Variants in SLC6A15 observed in about 807,000 individuals in gnomAD.
SLC6A15 encodes sodium-dependent neutral amino acid transporter B(0)AT2.
SLC6A15 carries 33 observed loss-of-function variants against 68.5 expected under a neutral mutation model. The observed-to-expected ratio is 0.48, with a 90% confidence interval of 0.37 to 0.64. The LOEUF (loss-of-function observed/expected upper bound fraction) is 0.64. Ranked by LOEUF, SLC6A15 falls within the 30% of genes least tolerant of loss-of-function variation. The probability of loss-of-function intolerance (pLI) is 0.00; values close to 1 mark genes in which losing one functional copy is unlikely to be tolerated. For missense variants in SLC6A15, 747 were observed against 874.3 expected (o/e 0.85, Z 1.84); for synonymous variants, 347 against 301.0 (o/e 1.15, Z -1.58).
intron 1 of SLC6A15, among the ~76,000 whole-genome samples, chr12:84,908,954 G>A (rs533605708): frequency 6.6e-6 from 1 of 152,060 alleles, no homozygotes; most frequent in South Asian, 2.1e-4. Context: ...CATATATTTA[G>A]ATCATCACTG....
intron 10 of SLC6A15, among the ~76,000 whole-genome samples, chr12:84,866,768 T>C (rs1871083072): frequency 6.6e-6 from 1 of 152,140 alleles, no homozygotes; most frequent in African/African-American, 2.4e-5. Context: ...ACTTACTAAA[T>C]CCTGAAAGTT....
intron 5 of SLC6A15, chr12:84,882,479 A>C (rs1871865658): frequency 1.1e-6 from 1 of 937,594 alleles, no homozygotes; most frequent in Non-Finnish European, 1.3e-6. Context: ...AATCAGCTAC[A>C]ATTTACAAGT....
intron 5 of SLC6A15, chr12:84,883,389 A>C (rs1871922135): frequency 7.9e-6 from 8 of 1,015,488 alleles, no homozygotes; most frequent in Non-Finnish European, 9.4e-6. Context: ...AGCTTTAAGA[A>C]ACACTTCACA....
rs1452647388 is a variant in SLC6A15 at position 84,899,722 on chromosome 12, A to G, written c.-188-7414T>C. ...TCTATGTATATGAACATAAATACAC[A>G]AATATGTTGGGAACTTTACAGTATT... On this transcript the variant is annotated intron_variant, in intron 1 of 11. Transcript: ENST00000266682. Among the ~76,000 whole-genome samples, 3 of 152,166 alleles carry G rather than the reference A, an allele frequency of 2.0e-5. No homozygotes were observed. In the East Asian group the frequency reaches 5.8e-4, roughly 29 times the overall value.
At chr12:84,896,365 AT>A (rs1195104068) in intron 1 of SLC6A15, among the ~76,000 whole-genome samples, 1 of 151,788 alleles carries the variant, frequency 6.6e-6, no homozygotes, top group African/African-American at 2.4e-5. Context: ...CACCATCTGT[AT>A]TTTGTAAAAA....
chr12:84,879,912 A>G (rs1871743117), intron 5 of SLC6A15, among the ~76,000 whole-genome samples: 1 of 152,142 alleles, frequency 6.6e-6, no homozygotes, highest in African/African-American at 2.4e-5. Context: ...CAGGAATTTG[A>G]GTTTTTCTTC....
chr12:84,900,963 TACA>T (rs1872841616), intron 1 of SLC6A15, among the ~76,000 whole-genome samples: 4 of 144,496 alleles, frequency 2.8e-5, no homozygotes, highest in African/African-American at 1.0e-4. Flanking sequence ...TGTATATATA[TACA>T]TACATATATA....
At chr12:84,869,312 AT>A (rs1346893384) in intron 9 of SLC6A15, among the ~76,000 whole-genome samples, 3 of 151,958 alleles carry the variant, frequency 2.0e-5, no homozygotes, top group Non-Finnish European at 4.4e-5. Flanking sequence ...AATACAAAAA[AT>A]TAGCCAAGCG....
intron 5 of SLC6A15, 39 bp downstream of exon 5, chr12:84,883,820 G>T: frequency 6.2e-7 from 1 of 1,613,942 alleles, no homozygotes; most frequent in Non-Finnish European, 8.5e-7. Flanking sequence ...ATCCAGAAAT[G>T]GTGATTAGCA....
intron 9 of SLC6A15, among the ~76,000 whole-genome samples, chr12:84,868,728 A>G (rs1056389273): frequency 1.3e-5 from 2 of 152,220 alleles, no homozygotes; most frequent in African/African-American, 2.4e-5. Flanking sequence ...GAAGTGGGAA[A>G]GAGGGTACAT....
At chr12:84,912,355 C>T (rs1272243365) in intron 1 of SLC6A15, among the ~76,000 whole-genome samples, 168 bp downstream of exon 1, 3 of 152,114 alleles carry the variant, frequency 2.0e-5, no homozygotes, top group Admixed American at 6.5e-5. Context: ...CTTCTCCCTC[C>T]CAGGGCTTTT....
At chr12:84,886,516 T>C (rs1301836033) in intron 2 of SLC6A15, among the ~76,000 whole-genome samples, 1 of 151,840 alleles carries the variant, frequency 6.6e-6, no homozygotes, top group South Asian at 2.1e-4. Context: ...TGAGATTTTA[T>C]GGCATTAACG....
At position 84,873,208 on chromosome 12, in the gene SLC6A15, A is replaced by C; in HGVS notation, c.988T>G (p.Cys330Gly). The change falls in exon 7 of 12, where the codon TGC (cysteine) becomes GGC (glycine). Residue 330 changes from cysteine to glycine, a missense_variant. Cys to Gly is a radical substitution (Grantham distance 159). Transcript: ENST00000266682. ...GACACCAGGACAGCATCAAAGTGGC[A>C]GTTGTTGTCTCTCTTGTTGTAGCTT... ...FSSYNKRDNN[C>G]HFDAVLVSFI... 2 of 1,614,136 alleles carry C rather than the reference A, an allele frequency of 1.2e-6. No homozygotes were observed.
intron 3 of SLC6A15, 66 bp from the exon 4 acceptor site, chr12:84,885,627 T>C: frequency 1.4e-6 from 2 of 1,444,150 alleles, no homozygotes; most frequent in Non-Finnish European, 1.9e-6. Context: ...TGAGATCAAA[T>C]GCATAAAATT....
At chr12:84,908,080 T>G (rs1260301430) in intron 1 of SLC6A15, among the ~76,000 whole-genome samples, 8 of 152,098 alleles carry the variant, frequency 5.3e-5, no homozygotes. Context: ...CCAACACAGT[T>G]AATCCTTATG....
chr12:84,866,659 G>C (rs2120544997), intron 10 of SLC6A15, among the ~76,000 whole-genome samples: 1 of 152,280 alleles, frequency 6.6e-6, no homozygotes, highest in African/African-American at 2.4e-5. Context: ...TGACAGGCAA[G>C]TCACAGGGTG....
intron 6 of SLC6A15, 73 bp downstream of exon 6, chr12:84,876,424 T>C: frequency 1.3e-6 from 1 of 799,566 alleles, no homozygotes; most frequent in Non-Finnish European, 2.0e-6. Context: ...TCCTTAAATA[T>C]AACTTAGAAT....
intron 1 of SLC6A15, among the ~76,000 whole-genome samples, chr12:84,904,660 C>T (rs941056761): frequency 6.6e-6 from 1 of 152,152 alleles, no homozygotes; most frequent in Non-Finnish European, 1.5e-5. Flanking sequence ...TATTAACTTT[C>T]AAAGCCACAT....
At chr12:84,900,706 A>G (rs892466715) in intron 1 of SLC6A15, among the ~76,000 whole-genome samples, 32 of 151,572 alleles carry the variant, frequency 2.1e-4, no homozygotes, top group African/African-American at 7.7e-4. Flanking sequence ...AGATAACCAT[A>G]TCAGTTCTTC....
Sources: gnomAD v4.1 joint callset for allele counts (sites outside exome capture counted in the v4.1 genomes callset) on GRCh38, gnomAD v4.1.1 for gene constraint, MANE v1.5 for transcripts, NCBI Gene and HGNC (gene_info 2026-07-23, HGNC 2026-07-21) for gene names.